Variants in IMMP2L observed in about 807,000 individuals in gnomAD.
IMMP2L encodes inner mitochondrial membrane peptidase subunit 2.
Under a neutral mutation model 19.3 loss-of-function variants are expected in IMMP2L, and 18 were observed. That is an observed-to-expected ratio of 0.93 (90% confidence interval 0.64 to 1.38). The LOEUF is 1.38. Among genes scored for constraint, IMMP2L ranks in the 40% most tolerant of loss-of-function variants. The pLI, the probability that IMMP2L is intolerant of heterozygous loss-of-function variation, is 0.00. For missense variants in IMMP2L, 233 were observed against 218.2 expected (o/e 1.07, Z -0.43); for synonymous variants, 76 against 73.0 (o/e 1.04, Z -0.21).
intron 3 of IMMP2L, among the ~76,000 whole-genome samples, chr7:111,486,312 C>T (rs1441197567): frequency 6.6e-6 from 1 of 152,090 alleles, no homozygotes; most frequent in Non-Finnish European, 1.5e-5. Context: ...AAGGTAAGTA[C>T]AAATAAGCAG....
intron 4 of IMMP2L, 35 bp from the exon 5 acceptor site, chr7:110,886,730 T>A: frequency 1.0e-6 from 1 of 997,770 alleles, no homozygotes; most frequent in Non-Finnish European, 1.6e-6. Context: ...GAGATATGAG[T>A]AGAAAAGAGA....
chr7:110,914,917 C>T lies in IMMP2L; in HGVS notation c.306-28222G>A, dbSNP rs142119975. ...ACATAGCACCTCATACCTATTAGGA[C>T]GACTTATCAAAGACAAAAGATAACA... On this transcript the variant is annotated intron_variant, in intron 4 of 5. Transcript: ENST00000405709. 2.3e-4 allele frequency among the ~76,000 whole-genome samples: 35 copies of T among 151,950 alleles called. No individual in the cohort carries two copies. The East Asian group carries it at 4.8e-3, about 21-fold the overall frequency.
Position 111,195,832 on chromosome 7 carries a change from C to T in IMMP2L, c.240-232267G>A, listed in dbSNP as rs11974444. On this transcript the variant is annotated intron_variant, in intron 3 of 5. Coordinates refer to ENST00000405709, the MANE Select transcript of IMMP2L (RefSeq NM_032549.4). Reference sequence around the variant, plus strand: ...TTTTATTGTTTATTTTATTTTATTTCATTTCATTTCATTTCATTTCATTTC... The same window carrying T: ...TTTTATTGTTTATTTTATTTTATTTTATTTCATTTCATTTCATTTCATTTC... Among the ~76,000 whole-genome samples, 46 of 138,494 alleles carry T rather than the reference C, an allele frequency of 3.3e-4. No homozygotes were observed. The South Asian group carries it at 8.1e-3, about 24-fold the overall frequency. 90.9% of individuals were successfully genotyped at this position (138,494 alleles called of 152,430 possible). A position where few individuals can be genotyped will look rare whatever the true frequency, so the allele number is the denominator to read the frequency against.
At chr7:111,557,779 TCA>T (rs1212567013) in intron 1 of IMMP2L, among the ~76,000 whole-genome samples, 2 of 152,124 alleles carry the variant, frequency 1.3e-5, no homozygotes, top group African/African-American at 2.4e-5. Flanking sequence ...CTAGTTCAAT[TCA>T]CACAGTCACT....
intron 4 of IMMP2L, among the ~76,000 whole-genome samples, chr7:110,920,793 A>G (rs908225864): frequency 3.9e-5 from 6 of 152,196 alleles, no homozygotes; most frequent in South Asian, 2.1e-4. Flanking sequence ...ACATTTTGAG[A>G]TAATTTTAGA....
chr7:111,249,310 T>C (rs1412851518), intron 3 of IMMP2L, among the ~76,000 whole-genome samples: 1 of 137,952 alleles, frequency 7.2e-6, no homozygotes, highest in East Asian at 2.1e-4. Context: ...CCCCTTTCTT[T>C]GACTCGGAAA....
chr7:110,878,474 T>C (rs561090722), intron 5 of IMMP2L, among the ~76,000 whole-genome samples: 1 of 152,232 alleles, frequency 6.6e-6, no homozygotes, highest in South Asian at 2.1e-4. Context: ...TACATTTTGA[T>C]ATTTTACAAA....
At chr7:111,322,148 TAC>T (rs1824787864) in intron 3 of IMMP2L, among the ~76,000 whole-genome samples, 2 of 151,990 alleles carry the variant, frequency 1.3e-5, no homozygotes, top group African/African-American at 4.8e-5. Context: ...GCTTTGAATT[TAC>T]AGTTATTGGT....
chr7:111,026,467 T>C (rs1265582893), intron 3 of IMMP2L, among the ~76,000 whole-genome samples: 1 of 152,032 alleles, frequency 6.6e-6, no homozygotes, highest in Non-Finnish European at 1.5e-5. Flanking sequence ...CCATTATGAG[T>C]GTATAACAGA....
intron 3 of IMMP2L, among the ~76,000 whole-genome samples, chr7:111,266,763 A>G (rs1817883207): frequency 6.6e-6 from 1 of 152,136 alleles, no homozygotes; most frequent in South Asian, 2.1e-4. Flanking sequence ...AAATTGCCAC[A>G]TTTTTGTCAT....
chr7:111,371,311 C>CA (rs1216322161), intron 3 of IMMP2L, among the ~76,000 whole-genome samples: 1 of 151,994 alleles, frequency 6.6e-6, no homozygotes, highest in Non-Finnish European at 1.5e-5. Flanking sequence ...TGCCTTCTCT[C>CA]AAAATGTCTG....
intron 3 of IMMP2L, among the ~76,000 whole-genome samples, chr7:111,035,591 A>T (rs1048372962): frequency 1.2e-4 from 19 of 152,318 alleles, no homozygotes; most frequent in African/African-American, 4.3e-4. Flanking sequence ...ACATGCTGAC[A>T]TATACCAACG....
chr7:111,502,455 C>A (rs1307369042), intron 2 of IMMP2L, among the ~76,000 whole-genome samples: 2 of 152,138 alleles, frequency 1.3e-5, no homozygotes, highest in African/African-American at 4.8e-5. Flanking sequence ...GAACTCACCT[C>A]TGCCCCAAGC....
intron 3 of IMMP2L, among the ~76,000 whole-genome samples, chr7:111,003,029 T>C (rs62464038): frequency 0.086 from 13,133 of 152,174 alleles, 816 homozygotes; most frequent in East Asian, 0.19. Context: ...CTAGTTGACA[T>C]AGATATTGTC....
In IMMP2L at chr7:110,870,629, G is replaced by A. The variant is rs960544172; in HGVS notation, c.408+15964C>T. On this transcript the variant is annotated intron_variant, in intron 5 of 5. Transcript: ENST00000405709. The surrounding 1 kb of genome is among the most constrained non-coding windows in gnomAD (Gnocchi z 4.2). ...CAGAAAAAACTCTTCCCTGAAGTGG[G>A]GAAAATAAAGAGCCAACCACACAAA... Among the ~76,000 whole-genome samples, 1 of 152,084 alleles carries A rather than the reference G, an allele frequency of 6.6e-6. No individual in the cohort carries two copies. The highest frequency in any genetic ancestry group is 1.5e-5 in the Non-Finnish European group (1 of 68,010).
At chr7:111,505,879 G>A (rs991112761) in intron 2 of IMMP2L, among the ~76,000 whole-genome samples, 42 of 152,184 alleles carry the variant, frequency 2.8e-4, no homozygotes, top group South Asian at 2.1e-4. Flanking sequence ...TAAATGACGA[G>A]TTAATGGGTG....
At chr7:111,277,242 C>G (rs1160499476) in intron 3 of IMMP2L, among the ~76,000 whole-genome samples, 1 of 151,862 alleles carries the variant, frequency 6.6e-6, no homozygotes, top group Non-Finnish European at 1.5e-5. Context: ...CTACAACGAA[C>G]TCAAACAACT....
At chr7:110,866,411 A>T (rs2129543372) in intron 5 of IMMP2L, among the ~76,000 whole-genome samples, 1 of 151,772 alleles carries the variant, frequency 6.6e-6, no homozygotes, top group Admixed American at 6.6e-5. Context: ...GAAGATTTTT[A>T]AGCCACAGAG....
chr7:111,123,440 A>T lies in IMMP2L; in HGVS notation c.240-159875T>A, dbSNP rs770573988. On this transcript the variant is annotated intron_variant, in intron 3 of 5. Coordinates refer to ENST00000405709, the MANE Select transcript of IMMP2L (RefSeq NM_032549.4). This position sits in a 1 kb window ranked among gnomAD's most constrained non-coding sequence, Gnocchi z 6.4. Reference sequence around the variant, plus strand: ...CGCAGCCTGGTTATAGCTGGTATAAACCTCACAGAAATACCAGATAACGCC... The same window carrying T: ...CGCAGCCTGGTTATAGCTGGTATAATCCTCACAGAAATACCAGATAACGCC... The T allele has an allele frequency of 6.2e-7, 1 of 1,613,484 alleles. No individual in the cohort carries two copies. The highest frequency in any genetic ancestry group is 8.5e-7 in the Non-Finnish European group (1 of 1,179,822).
Sources: allele counts gnomAD v4.1 joint callset (sites outside exome capture counted in the v4.1 genomes callset), GRCh38; gene constraint gnomAD v4.1.1; non-coding constraint Gnocchi (gnomAD v3.1); transcripts MANE v1.5; gene names NCBI Gene and HGNC (gene_info 2026-07-23, HGNC 2026-07-21).